Variants in XIRP1 observed in about 807,000 individuals in gnomAD.
XIRP1 encodes the protein xin actin binding repeat containing 1.
For synonymous variants in XIRP1, 984 were observed against 947.0 expected, an observed-to-expected ratio of 1.04 and a Z score of -0.72; for missense variants, 2,378 against 2,345.4, an observed-to-expected ratio of 1.01 and a Z score of -0.29.
At position 39,189,282 on chromosome 3, in the gene XIRP1, C is replaced by G. The variant is rs150061276; in HGVS notation, c.164G>C (p.Arg55Pro). The G allele has an allele frequency of 6.2e-7, 1 of 1,609,944 alleles. No homozygotes were observed. Among genetic ancestry groups the G allele is most frequent in the South Asian group, 1.1e-5 (1 of 90,946 alleles). ...FHQQRQASEL[R>P]RLYRHIHPEL... ...AGGGTGGATGTGCCTGTAGAGGCGG[C>G]GGAGCTCACTAGCTTGCCGCTGCTG... Residue 55 changes from arginine (R) to proline (P), a missense_variant, in exon 2 of 2, where the codon CGC (arginine) becomes CCC (proline). Physicochemically the swap from Arg to Pro is moderately radical, Grantham distance 103 (BLOSUM62 -2). Transcript: ENST00000340369.
rs374465168 is a variant in XIRP1, at chr3:39,183,905, C to T, written c.*9G>A. 1.6e-5 allele frequency: 26 copies of T among 1,605,054 alleles called. No homozygotes were observed. The highest frequency in any genetic ancestry group is 1.1e-4 in the African/African-American group (8 of 74,832). On this transcript the variant is annotated 3_prime_UTR_variant, in exon 2 of 2. Coordinates refer to ENST00000340369, the MANE Select transcript of XIRP1 (RefSeq NM_194293.4). ...AACAGGTGGCAGGTGTGGTGGGAGGCGGTGGGCCTCACTGGGCAGCTGGCT... is the reference window on the plus strand; with the variant it reads ...AACAGGTGGCAGGTGTGGTGGGAGGTGGTGGGCCTCACTGGGCAGCTGGCT...
chr3:39,187,989 A>G lies in XIRP1; in HGVS notation c.1457T>C (p.Met486Thr). ...AQGIGSPVYA[M>T]QDSKGRLHAL... ...ATGGAGGCGGCCCTTGCTGTCCTGC[A>G]TGGCATACACTGGGGACCCTATGCC... The change falls in exon 2 of 2, where the codon ATG becomes ACG. Residue 486 changes from methionine (M) to threonine (T), a missense_variant. Met to Thr is a moderately conservative substitution (Grantham distance 81). Transcript: ENST00000340369. 3 of 1,614,196 alleles carry G rather than the reference A, an allele frequency of 1.9e-6. No individual in the cohort carries two copies. The highest frequency in any genetic ancestry group is 1.1e-5 in the South Asian group (1 of 91,092).
At position 39,187,494 on chromosome 3, in the gene XIRP1, A is replaced by G. The variant is rs1057405232; in HGVS notation, c.1952T>C (p.Val651Ala). ...GTCTGTCTGTCTTTCCCCAGCCGGG[A>G]CCTGGCTAACCTGCAGGTGCTGCTC... ...SREQHLQVSQ[V>A]PAGERQTDRH... is the part of the protein sequence containing the mutation. Residue 651 changes from valine (V) to alanine (A), a missense_variant, in exon 2 of 2, where the codon GTC (valine) becomes GCC (alanine). By Grantham distance (64) the Val-to-Ala change is moderately conservative. Coordinates refer to ENST00000340369, the MANE Select transcript of XIRP1 (RefSeq NM_194293.4). 2.5e-6 allele frequency: 4 copies of G among 1,613,984 alleles called. No individual in the cohort carries two copies. Among genetic ancestry groups the G allele is most frequent in the Non-Finnish European group, 3.4e-6 (4 of 1,180,024 alleles).
chr3:39,189,026 G>T lies in XIRP1; in HGVS notation c.420C>A (p.Asp140Glu), dbSNP rs765330477. Residue 140 changes from aspartate to glutamate, a missense_variant, in exon 2 of 2, where the codon GAC (aspartate) becomes GAA (glutamate). Asp to Glu is a conservative substitution (Grantham distance 45, BLOSUM62 2). Coordinates refer to ENST00000340369, the MANE Select transcript of XIRP1 (RefSeq NM_194293.4). ...FEEGSFANSTDQEPTRPQPGG... is the reference protein window; with the variant it reads ...FEEGSFANSTEQEPTRPQPGG... ...CTGGCTGGGGCCTGGTTGGCTCCTG[G>T]TCTGTGCTGTTGGCAAAGGAGCCTT... 1.2e-6 allele frequency: 2 copies of T among 1,614,028 alleles called. No homozygotes were observed. Among genetic ancestry groups the T allele is most frequent in the South Asian group, 1.1e-5 (1 of 91,086 alleles).
intron 1 of XIRP1, among the ~76,000 whole-genome samples, chr3:39,189,952 T>C (rs954012353): frequency 3.9e-5 from 6 of 152,162 alleles, no homozygotes; most frequent in African/African-American, 1.4e-4. Flanking sequence ...TGATTTCCTA[T>C]GGAGACGAGA....
rs11711871 is a variant in XIRP1 at position 39,186,552 on chromosome 3, T to G, written c.2894A>C (p.His965Pro). Residue 965 changes from histidine (H) to proline (P), a missense_variant, in exon 2 of 2, where the codon CAC becomes CCC. Physicochemically the swap from His to Pro is moderately conservative, Grantham distance 77. Transcript: ENST00000340369. ...AACATGGATGATGCTCTCAGTTGGG[T>G]GCAGGCTCTGGGCCCCCTCGCTGGC... Reference protein sequence around the residue: ...VPASEGAQSLHPTESIIHVPP... With the variant: ...VPASEGAQSLPPTESIIHVPP... 304,634 of 1,611,676 alleles carry G rather than the reference T, an allele frequency of 0.19. 30,965 individuals are homozygous for G. Among genetic ancestry groups the G allele is most frequent in the Non-Finnish European group, 0.21 (245,352 of 1,178,660 alleles).
At position 39,188,854 on chromosome 3, in the gene XIRP1, G is replaced by A. The variant is rs202133354; in HGVS notation, c.592C>T (p.Arg198Trp). 5.8e-5 allele frequency: 93 copies of A among 1,612,492 alleles called. No homozygotes were observed. The highest frequency in any genetic ancestry group is 3.2e-4 in the African/African-American group (24 of 75,070). Residue 198 changes from arginine to tryptophan, a missense_variant, in exon 2 of 2, where the codon CGG becomes TGG. Transcript: ENST00000340369. ...VQGTRMLFET[R>W]PLDRLGSRPS... ...CGGGAGCCCAGGCGGTCCAGCGGCC[G>A]CGTCTCAAAGAGCATCCTGGTACCC...
At position 39,188,891 on chromosome 3, in the gene XIRP1, G is replaced by T; in HGVS notation, c.555C>A (p.Ser185Arg). The change falls in exon 2 of 2, where the codon AGC becomes AGA. Residue 185 changes from serine (S) to arginine (R), a missense_variant. Coordinates refer to ENST00000340369, the MANE Select transcript of XIRP1 (RefSeq NM_194293.4). Reference sequence around the variant, plus strand: ...GCATCCTGGTACCCTGCACATCTCCGCTGGCTGCAGGCTCCCTCACAGTGG... The same window carrying T: ...GCATCCTGGTACCCTGCACATCTCCTCTGGCTGCAGGCTCCCTCACAGTGG... Reference protein sequence around the residue: ...LEATVREPAASGDVQGTRMLF... With the variant: ...LEATVREPAARGDVQGTRMLF... 1 of 1,612,948 alleles carries T rather than the reference G, an allele frequency of 6.2e-7. No homozygotes were observed. Among genetic ancestry groups the T allele is most frequent in the Non-Finnish European group, 8.5e-7 (1 of 1,180,032 alleles).
At position 39,185,270 on chromosome 3, in the gene XIRP1, A is replaced by T. The variant is rs776613841; in HGVS notation, c.4176T>A (p.Ser1392Arg). 2.5e-6 allele frequency: 4 copies of T among 1,614,022 alleles called. No individual in the cohort carries two copies. The East Asian group carries it at 8.9e-5, about 36-fold the overall frequency. Residue 1392 changes from serine (S) to arginine (R), a missense_variant, in exon 2 of 2, where the codon AGT becomes AGA. Ser to Arg is a moderately radical substitution (Grantham distance 110). Transcript: ENST00000340369. Reference protein sequence around the residue: ...QGHIPLARCPSGHSQPSLQHG... With the variant: ...QGHIPLARCPRGHSQPSLQHG... Reference sequence around the variant, plus strand: ...GTTGTAAGCTGGGCTGGCTATGTCCACTGGGACATCTGGCCAGAGGTATGT... The same window carrying T: ...GTTGTAAGCTGGGCTGGCTATGTCCTCTGGGACATCTGGCCAGAGGTATGT...
In XIRP1 at chr3:39,188,564, A is replaced by G. The variant is rs770357128; in HGVS notation, c.882T>C (p.Ile294=). The G allele has an allele frequency of 2.5e-6, 4 of 1,612,648 alleles. No individual in the cohort carries two copies. The Admixed American group carries it at 5.0e-5, about 20-fold the overall frequency. The change falls in exon 2 of 2, where the codon ATT becomes ATC. Residue 294 remains isoleucine (I), a synonymous_variant. Coordinates refer to ENST00000340369, the MANE Select transcript of XIRP1 (RefSeq NM_194293.4). ...CGGGCCGGGCCCCCTCCTCCAGGGAAATCCCCCGGATCACCCGCACCTGGC... is the reference window on the plus strand; with the variant it reads ...CGGGCCGGGCCCCCTCCTCCAGGGAGATCCCCCGGATCACCCGCACCTGGC... ...DPSQVRVIRG[I]SLEEGARPDV...
Position 39,184,490 on chromosome 3 carries a change from C to T in XIRP1, c.4956G>A (p.Glu1652=), listed in dbSNP as rs1215876421. 2 of 1,613,964 alleles carry T rather than the reference C, an allele frequency of 1.2e-6. No homozygotes were observed. Among genetic ancestry groups the T allele is most frequent in the African/African-American group, 2.7e-5 (2 of 74,942 alleles). The change falls in exon 2 of 2, where the codon GAG becomes GAA. Residue 1652 remains glutamate (E), a synonymous_variant. Coordinates refer to ENST00000340369, the MANE Select transcript of XIRP1 (RefSeq NM_194293.4). ...GTAAAACCCGAGGAGGGCACAAATA[C>T]TCTCTTGATGTCTCCTGCCTCCTGG... ...PSTRRQETSR[E]YLCPPRVLPS...
rs991848578 is a variant in XIRP1 at position 39,186,678 on chromosome 3, C to G, written c.2768G>C (p.Arg923Thr). 6.2e-7 allele frequency: 1 copy of G among 1,613,976 alleles called. No individual in the cohort carries two copies. Among genetic ancestry groups the G allele is most frequent in the Non-Finnish European group, 8.5e-7 (1 of 1,179,990 alleles). ...GCTGGCCAACAGCTGCACGCTGCTC[C>G]TCTCAGAGGCCTTGCTAGTTAGCCG... The part of the protein sequence containing the change: ...QPRLTSKASE[R>T]SSVQLLASCI... Residue 923 changes from arginine to threonine, a missense_variant, in exon 2 of 2, where the codon AGG becomes ACG. Coordinates refer to ENST00000340369, the MANE Select transcript of XIRP1 (RefSeq NM_194293.4).
rs1575180968 is a variant in XIRP1 at position 39,187,116 on chromosome 3, G to A, written c.2330C>T (p.Thr777Ile). 2 of 1,613,278 alleles carry A rather than the reference G, an allele frequency of 1.2e-6. No homozygotes were observed. Among genetic ancestry groups the A allele is most frequent in the South Asian group, 2.2e-5 (2 of 91,072 alleles). Residue 777 changes from threonine (T) to isoleucine (I), a missense_variant, in exon 2 of 2, where the codon ACT becomes ATT. By Grantham distance (89) the Thr-to-Ile change is moderately conservative (BLOSUM62 -1). Transcript: ENST00000340369. The stretch of plus-strand genomic sequence containing the variant: ...CAGGATGCCAGGTGTGGCATGCAGA[G>A]TCCGCAGGGTCCCCTCAGCTGCAGT... ...QETAAEGTLR[T>I]LHATPGILHH...
Position 39,189,402 on chromosome 3 carries a change from C to T in XIRP1, c.44G>A (p.Arg15Lys), listed in dbSNP as rs1178400029. ...QTQVAPTPTM[R>K]MATAEDLPLP... ...GGGCAGGTCCTCTGCAGTTGCCATCCTCATGGTTGGTGTGGGGGCCACCTG... is the reference window on the plus strand; with the variant it reads ...GGGCAGGTCCTCTGCAGTTGCCATCTTCATGGTTGGTGTGGGGGCCACCTG... The change falls in exon 2 of 2, where the codon AGG (arginine) becomes AAG (lysine). Residue 15 changes from arginine (R) to lysine (K), a missense_variant. By Grantham distance (26) the Arg-to-Lys change is conservative. Coordinates refer to ENST00000340369, the MANE Select transcript of XIRP1 (RefSeq NM_194293.4). The T allele has an allele frequency of 1.2e-6, 2 of 1,608,742 alleles. No individual in the cohort carries two copies. The highest frequency in any genetic ancestry group is 3.3e-5 in the Admixed American group (2 of 59,778).
chr3:39,185,708 G>A lies in XIRP1; in HGVS notation c.3738C>T (p.Ser1246=), dbSNP rs771397804. The change falls in exon 2 of 2, where the codon AGC becomes AGT. Residue 1246 remains serine, a synonymous_variant. Coordinates refer to ENST00000340369, the MANE Select transcript of XIRP1 (RefSeq NM_194293.4). The part of the protein sequence containing the change: ...LASGPQAAGA[S]PHPHNAFVPP... ...GAACAAAGGCATTATGGGGGTGCGG[G>A]CTGGCACCTGCAGCTTGGGGCCCAG... 8.1e-6 allele frequency: 13 copies of A among 1,611,196 alleles called. No individual in the cohort carries two copies. Among genetic ancestry groups the A allele is most frequent in the African/African-American group, 5.3e-5 (4 of 74,970 alleles).
Position 39,183,978 on chromosome 3 carries a change from C to T in XIRP1, c.5468G>A (p.Ser1823Asn). 1 of 1,612,520 alleles carries T rather than the reference C, an allele frequency of 6.2e-7. No homozygotes were observed. Among genetic ancestry groups the T allele is most frequent in the Non-Finnish European group, 8.5e-7 (1 of 1,179,954 alleles). ...QFLHSPAGFS[S>N]DLTEAETVQV... ...CACCGTCTCAGCTTCTGTCAGGTCA[C>T]TGCTGAACCCAGCTGGGCTGTGCAG... The change falls in exon 2 of 2, where the codon AGT (serine) becomes AAT (asparagine). Residue 1823 changes from serine to asparagine, a missense_variant. By Grantham distance (46) the Ser-to-Asn change is conservative (BLOSUM62 1). Coordinates refer to ENST00000340369, the MANE Select transcript of XIRP1 (RefSeq NM_194293.4).
At chr3:39,190,490 G>A (rs1184063869) in intron 1 of XIRP1, among the ~76,000 whole-genome samples, 1 of 152,066 alleles carries the variant, frequency 6.6e-6, no homozygotes, top group East Asian at 1.9e-4. Flanking sequence ...TGGGATCAGG[G>A]TCCTTTCTGC....
chr3:39,185,129 C>T lies in XIRP1; in HGVS notation c.4317G>A (p.Gln1439=). 6.4e-7 allele frequency: 1 copy of T among 1,573,688 alleles called. No homozygotes were observed. Among genetic ancestry groups the T allele is most frequent in the Non-Finnish European group, 8.6e-7 (1 of 1,160,996 alleles). Residue 1439 remains glutamine, a synonymous_variant, in exon 2 of 2, where the codon CAG becomes CAA. Transcript: ENST00000340369. ...GCTCTCCTGAGGGGCCGGGGCCCCA[C>T]TGTGGTGAGGTGGGATCATGGTTGA... The part of the protein sequence containing the change: ...NALNHDPTSP[Q]WGPGPSGEQP...
At position 39,188,618 on chromosome 3, in the gene XIRP1, C is replaced by T; in HGVS notation, c.828G>A (p.Arg276=). 6.2e-7 allele frequency: 1 copy of T among 1,613,626 alleles called. No homozygotes were observed. Among genetic ancestry groups the T allele is most frequent in the African/African-American group, 1.3e-5 (1 of 75,074 alleles). The change falls in exon 2 of 2, where the codon CGG becomes CGA. Residue 276 remains arginine, a synonymous_variant. Transcript: ENST00000340369. Reference sequence around the variant, plus strand: ...GGTCCTGGTTGATGGCGTCCAGAGGCCGGGTCTCAAAGAGCCAGCGGGCAG... The same window carrying T: ...GGTCCTGGTTGATGGCGTCCAGAGGTCGGGTCTCAAAGAGCCAGCGGGCAG... ...VRSARWLFET[R]PLDAINQDPS...
Sources: allele counts gnomAD v4.1 joint callset (sites outside exome capture counted in the v4.1 genomes callset), GRCh38; gene constraint gnomAD v4.1.1; transcripts MANE v1.5; gene names NCBI Gene and HGNC (gene_info 2026-07-23, HGNC 2026-07-21).